TEAD3: variants seen among roughly 807,000 people sequenced by gnomAD.
The protein encoded by TEAD3 is TEA domain transcription factor 3, also known as transcriptional enhancer factor TEF-5.
A neutral mutation model predicts 55.6 loss-of-function variants in TEAD3; 15 were observed. That is an observed-to-expected ratio of 0.27 (90% CI 0.18 to 0.42). The LOEUF (loss-of-function observed/expected upper bound fraction) is 0.42. TEAD3 is among the 10% of genes least tolerant of loss of function. The pLI, the probability that TEAD3 is intolerant of heterozygous loss-of-function variation, is 1.00. For synonymous variants in TEAD3, 210 were observed against 232.2 expected (o/e 0.90, Z 0.87); for missense variants, 407 against 576.8 (o/e 0.71, Z 3.01).
At chr6:35,494,563 C>T (rs1174585634) in intron 1 of TEAD3, among the ~76,000 whole-genome samples, 1 of 152,146 alleles carries the variant, frequency 6.6e-6, no homozygotes, top group Non-Finnish European at 1.5e-5. Flanking sequence ...ACCCCTGGGA[C>T]CCCACAGCTT....
In TEAD3 at chr6:35,486,718, G is replaced by T. The variant is rs777542710; in HGVS notation, c.-49-7C>A. On this transcript the variant is annotated splice_polypyrimidine_tract_variant and splice_region_variant and intron_variant, in intron 1 of 12. Transcript: ENST00000639578. The surrounding 1 kb of genome is among the most constrained non-coding windows in gnomAD (Gnocchi z 7.3). Reference sequence around the variant, plus strand: ...GCCCACTGGGCGGCTGAGCCTGGGGGACAGACAGACAGGAACTGGGACCAG... The same window carrying T: ...GCCCACTGGGCGGCTGAGCCTGGGGTACAGACAGACAGGAACTGGGACCAG... 3 of 1,567,024 alleles carry T rather than the reference G, an allele frequency of 1.9e-6. No individual in the cohort carries two copies. The African/African-American group carries it at 4.0e-5, about 21-fold the overall frequency.
intron 1 of TEAD3, among the ~76,000 whole-genome samples, chr6:35,487,085 A>C (rs894490311): frequency 3.9e-5 from 6 of 152,384 alleles, no homozygotes; most frequent in East Asian, 1.9e-4. Flanking sequence ...ATACCAACAC[A>C]GCACTTTTGT....
At position 35,486,327 on chromosome 6, in the gene TEAD3, C is replaced by A; in HGVS notation, c.202+134G>T. 9.3e-7 allele frequency: 1 copy of A among 1,074,970 alleles called. No homozygotes were observed. Among genetic ancestry groups the A allele is most frequent in the Non-Finnish European group, 1.3e-6 (1 of 758,668 alleles). The allele number at this position is 1,074,970 out of a possible 1,614,324, so 66.6% of individuals were successfully genotyped here. Reference sequence around the variant, plus strand: ...ATGAGGAGGAGCGCGGAGGAGGATCCAGACACACAGGCTTGCGCGCCCAGA... The same window carrying A: ...ATGAGGAGGAGCGCGGAGGAGGATCAAGACACACAGGCTTGCGCGCCCAGA... On this transcript the variant is annotated intron_variant, in intron 2 of 12. Coordinates refer to ENST00000639578, the Ensembl canonical transcript of TEAD3. The surrounding 1 kb of genome is among the most constrained non-coding windows in gnomAD (Gnocchi z 7.3).
rs1034438611 is a variant in TEAD3, at chr6:35,483,439, C to T, written c.267+1121G>A. 6.6e-6 allele frequency among the ~76,000 whole-genome samples: 1 copy of T among 152,178 alleles called. No homozygotes were observed. The highest frequency in any genetic ancestry group is 1.5e-5 in the Non-Finnish European group (1 of 68,020). ...AGGCAGTGGGGCCATCACTCCCATC[C>T]ACTCCCCTTCAGGTTTCTGTCACTA... On this transcript the variant is annotated intron_variant, in intron 3 of 12. Coordinates refer to ENST00000639578, the Ensembl canonical transcript of TEAD3. This position sits in a 1 kb window ranked among gnomAD's most constrained non-coding sequence, Gnocchi z 4.5.
In TEAD3 at chr6:35,486,326, C is replaced by G; in HGVS notation, c.202+135G>C. 1 of 1,062,304 alleles carries G rather than the reference C, an allele frequency of 9.4e-7. No homozygotes were observed. Among genetic ancestry groups the G allele is most frequent in the Non-Finnish European group, 1.3e-6 (1 of 747,480 alleles). The allele number at this position is 1,062,304 out of a possible 1,614,324, so 65.8% of individuals were successfully genotyped here. A position where few individuals can be genotyped will look rare whatever the true frequency, so the allele number is the denominator to read the frequency against. On this transcript the variant is annotated intron_variant, in intron 2 of 12. Coordinates refer to ENST00000639578, the Ensembl canonical transcript of TEAD3. The surrounding 1 kb of genome is among the most constrained non-coding windows in gnomAD (Gnocchi z 7.3). ...TATGAGGAGGAGCGCGGAGGAGGATCCAGACACACAGGCTTGCGCGCCCAG... is the reference window on the plus strand; with the variant it reads ...TATGAGGAGGAGCGCGGAGGAGGATGCAGACACACAGGCTTGCGCGCCCAG...
chr6:35,479,490 G>T (rs2072887), intron 4 of TEAD3, among the ~76,000 whole-genome samples, 174 bp from the exon 5 acceptor site: 5 of 152,172 alleles, frequency 3.3e-5, no homozygotes, highest in African/African-American at 9.7e-5. Flanking sequence ...CTGCCAGCTG[G>T]GGCAAGCCCT....
intron 1 of TEAD3, among the ~76,000 whole-genome samples, chr6:35,489,334 G>A (rs1350263664): frequency 6.6e-6 from 1 of 152,146 alleles, no homozygotes; most frequent in Non-Finnish European, 1.5e-5. Context: ...GTAAGTACTA[G>A]GGCTGGGTTC....
chr6:35,487,733 A>C (rs981398848), intron 1 of TEAD3, among the ~76,000 whole-genome samples: 1 of 152,098 alleles, frequency 6.6e-6, no homozygotes, highest in African/African-American at 2.4e-5. Flanking sequence ...AAAAAAAACA[A>C]AACAAAACAC....
At chr6:35,487,713 C>A (rs1416956411) in intron 1 of TEAD3, among the ~76,000 whole-genome samples, 1 of 150,984 alleles carries the variant, frequency 6.6e-6, no homozygotes, top group Admixed American at 6.6e-5. Context: ...ACAGAGCAGA[C>A]CTTGTCTCAA....
At position 35,485,870 on chromosome 6, in the gene TEAD3, C is replaced by T. The variant is rs1347549982; in HGVS notation, c.202+591G>A. On this transcript the variant is annotated intron_variant, in intron 2 of 12. Transcript: ENST00000639578. This position sits in a 1 kb window ranked among gnomAD's most constrained non-coding sequence, Gnocchi z 4.3. ...CCAGGCCCAGAAGGGTCGAGTTATC[C>T]CAAAAATGCAGCTCTGGGAGAGCCC... Among the ~76,000 whole-genome samples, 1 of 152,156 alleles carries T rather than the reference C, an allele frequency of 6.6e-6. No individual in the cohort carries two copies. Among genetic ancestry groups the T allele is most frequent in the African/African-American group, 2.4e-5 (1 of 41,428 alleles).
chr6:35,478,782 G>A (rs997796388), intron 5 of TEAD3, among the ~76,000 whole-genome samples: 5 of 152,148 alleles, frequency 3.3e-5, no homozygotes, highest in Admixed American at 3.3e-4. Context: ...GCCCATCACC[G>A]CTGACCACAA....
intron 1 of TEAD3, among the ~76,000 whole-genome samples, chr6:35,490,077 C>A (rs2150916998): frequency 1.3e-5 from 2 of 152,170 alleles, no homozygotes; most frequent in Middle Eastern, 3.4e-3. Flanking sequence ...CCCTCTTAAC[C>A]CCTTTCCCGA....
At chr6:35,478,299 C>A (rs749252789) in exon 7 of TEAD3, 1 of 1,613,828 alleles carries the variant, frequency 6.2e-7, no homozygotes, top group African/African-American at 1.3e-5. Flanking sequence ...AGGCTGCTGT[C>A]CCAGGAGAGG....
chr6:35,492,855 A>T lies in TEAD3; in HGVS notation c.-50+4043T>A, dbSNP rs539592287. On this transcript the variant is annotated intron_variant, in intron 1 of 12. Transcript: ENST00000639578. ...GTAGAGAGAAGGGCCCAGTTTCCAG[A>T]CCTCCCTTCACCCCCTCCCTGGGAC... 2.0e-5 allele frequency among the ~76,000 whole-genome samples: 3 copies of T among 151,636 alleles called. No individual in the cohort carries two copies. In the South Asian group the frequency reaches 6.3e-4, roughly 32 times the overall value.
intron 5 of TEAD3, among the ~76,000 whole-genome samples, chr6:35,478,988 T>G (rs1768213100): frequency 6.6e-6 from 1 of 151,726 alleles, no homozygotes; most frequent in Non-Finnish European, 1.5e-5. Context: ...CAAGCAATTT[T>G]CTTGCCTCAG....
intron 8 of TEAD3, 86 bp from the exon 9 acceptor site, chr6:35,476,521 T>G: frequency 6.4e-7 from 1 of 1,556,202 alleles, no homozygotes; most frequent in Non-Finnish European, 8.7e-7. Context: ...AAGGTGCCCC[T>G]TTTGGGAAGG....
Position 35,486,804 on chromosome 6 carries a change from C to CAGCCCCA in TEAD3, c.-49-100_-49-94dup, listed in dbSNP as rs551125505. The CAGCCCCA allele has an allele frequency of 3.7e-3, 3,189 of 862,466 alleles. 13 individuals carry two copies. The highest frequency in any genetic ancestry group is 4.8e-3 in the Non-Finnish European group (2,726 of 572,160). 53.4% of individuals were successfully genotyped at this position (862,466 alleles called of 1,614,324 possible). On this transcript the variant is annotated intron_variant, in intron 1 of 12. Transcript: ENST00000639578. This position sits in a 1 kb window ranked among gnomAD's most constrained non-coding sequence, Gnocchi z 7.3. ...GCCGCTGGCTCTGGAGCTCCGCCCC[C>CAGCCCCA]AGCCCCAAGCCCACCCTAGGAGCAG...
chr6:35,494,710 T>A (rs2150919204), intron 1 of TEAD3, among the ~76,000 whole-genome samples: 1 of 152,158 alleles, frequency 6.6e-6, no homozygotes, highest in African/African-American at 2.4e-5. Flanking sequence ...ATTTCCACAC[T>A]GAGCCCTGGG....
At position 35,486,455 on chromosome 6, in the gene TEAD3, A is replaced by ACG; in HGVS notation, c.202+4_202+5dup. On this transcript the variant is annotated splice_donor_region_variant and intron_variant, in intron 2 of 12. Transcript: ENST00000639578. This position sits in a 1 kb window ranked among gnomAD's most constrained non-coding sequence, Gnocchi z 7.3. ...CGCAGTCCCGCCCGCGCCCCCCGGC[A>ACG]CGCACCGTACATCTTGCCCTCGTCT... 1 of 1,610,450 alleles carries ACG rather than the reference A, an allele frequency of 6.2e-7. No homozygotes were observed. The highest frequency in any genetic ancestry group is 8.5e-7 in the Non-Finnish European group (1 of 1,177,786).
Sources: gnomAD v4.1 joint callset for allele counts (sites outside exome capture counted in the v4.1 genomes callset) on GRCh38, gnomAD v4.1.1 for gene constraint, Gnocchi (gnomAD v3.1) non-coding constraint, MANE v1.5 for transcripts, NCBI Gene and HGNC (gene_info 2026-07-23, HGNC 2026-07-21) for gene names.